KCNIP4: variants seen among roughly 807,000 people sequenced by gnomAD.
The protein encoded by KCNIP4 is potassium voltage-gated channel interacting protein 4.
In KCNIP4, 12 loss-of-function variants were observed where a neutral mutation model predicts 34.0. The observed-to-expected ratio is 0.35, with a 90% CI of 0.23 to 0.57. KCNIP4 has a LOEUF of 0.57. KCNIP4 is among the 20% of genes least tolerant of loss of function. The pLI is 0.83. For synonymous variants in KCNIP4, 124 were observed against 102.2 expected, an observed-to-expected ratio of 1.21 and a Z score of -1.29; for missense variants, 238 against 311.7, an observed-to-expected ratio of 0.76 and a Z score of 1.78.
Position 21,928,851 on chromosome 4 carries a change from C to A in KCNIP4, c.61+19720G>T, listed in dbSNP as rs1729410610. 1.3e-5 allele frequency among the ~76,000 whole-genome samples: 2 copies of A among 151,284 alleles called. 1 individual carries two copies. The highest frequency in any genetic ancestry group is 4.2e-4 in the South Asian group (2 of 4,728). Reference sequence around the variant, plus strand: ...ATGTCCCCAAGAAGAGACTCAATACCCCATATTCCTTCCCGAGATCAACCT... The same window carrying A: ...ATGTCCCCAAGAAGAGACTCAATACACCATATTCCTTCCCGAGATCAACCT... On this transcript the variant is annotated intron_variant, in intron 1 of 8. Coordinates refer to ENST00000382152, the MANE Select transcript of KCNIP4 (RefSeq NM_025221.6).
At chr4:21,061,251 A>G (rs1357045604) in intron 1 of KCNIP4, among the ~76,000 whole-genome samples, 1 of 152,142 alleles carries the variant, frequency 6.6e-6, no homozygotes, top group Non-Finnish European at 1.5e-5. Flanking sequence ...AGCTTTAAAT[A>G]TATACTATAG....
In KCNIP4 at chr4:20,741,523, A is replaced by T. The variant is rs532502793; in HGVS notation, c.430-6788T>A. On this transcript the variant is annotated intron_variant, in intron 5 of 8. Coordinates refer to ENST00000382152, the MANE Select transcript of KCNIP4 (RefSeq NM_025221.6). ...ATAAAGATGTTCTTTGAAACCAATG[A>T]GAACAAAGACACAACGTACCAGAAT... Among the ~76,000 whole-genome samples the T allele has an allele frequency of 2.0e-5, 3 of 152,360 alleles. No individual in the cohort carries two copies. The East Asian group carries it at 5.8e-4, about 29-fold the overall frequency.
intron 1 of KCNIP4, among the ~76,000 whole-genome samples, chr4:21,765,680 G>T (rs1441012462): frequency 6.6e-6 from 1 of 150,682 alleles, no homozygotes; most frequent in African/African-American, 2.4e-5. Context: ...TGCTCAGACT[G>T]GTCTTGACCT....
At chr4:20,973,786 G>T (rs1735212416) in intron 1 of KCNIP4, among the ~76,000 whole-genome samples, 1 of 152,122 alleles carries the variant, frequency 6.6e-6, no homozygotes, top group African/African-American at 2.4e-5. Context: ...GCCCTGTGGA[G>T]AGGGTGAGAG....
At chr4:21,582,811 T>C (rs2109076038) in intron 1 of KCNIP4, among the ~76,000 whole-genome samples, 1 of 152,068 alleles carries the variant, frequency 6.6e-6, no homozygotes, top group South Asian at 2.1e-4. Flanking sequence ...CCTCCTGAGA[T>C]AACTAGGAAG....
chr4:21,294,519 A>G (rs910303909), intron 1 of KCNIP4, among the ~76,000 whole-genome samples: 2 of 152,206 alleles, frequency 1.3e-5, no homozygotes, highest in Admixed American at 6.5e-5. Context: ...TTCACAATAG[A>G]TTTTTAAGTG....
intron 1 of KCNIP4, among the ~76,000 whole-genome samples, chr4:21,566,907 C>T (rs1553904377): frequency 5.3e-5 from 8 of 152,044 alleles, no homozygotes; most frequent in Non-Finnish European, 1.2e-4. Flanking sequence ...AGCCAAACTG[C>T]AAAAGGTAAC....
intron 1 of KCNIP4, among the ~76,000 whole-genome samples, chr4:21,631,660 A>T (rs1745773939): frequency 6.6e-6 from 1 of 152,182 alleles, no homozygotes; most frequent in African/African-American, 2.4e-5. Flanking sequence ...AATCTGGGTC[A>T]GGCCTGCCTT....
intron 1 of KCNIP4, among the ~76,000 whole-genome samples, chr4:21,878,013 T>G (rs1726235518): frequency 1.3e-5 from 2 of 152,178 alleles, no homozygotes; most frequent in Non-Finnish European, 2.9e-5. Context: ...CCATGGAAAC[T>G]TACACTTTTG....
At chr4:21,488,469 G>A (rs1231832352) in intron 1 of KCNIP4, among the ~76,000 whole-genome samples, 1 of 151,664 alleles carries the variant, frequency 6.6e-6, no homozygotes. Context: ...AAATTTTGTA[G>A]GAAAAAGAGG....
chr4:21,806,218 G>T (rs1721283179), intron 1 of KCNIP4, among the ~76,000 whole-genome samples: 2 of 152,140 alleles, frequency 1.3e-5, no homozygotes, highest in African/African-American at 4.8e-5. Flanking sequence ...AAGTTAAGGT[G>T]GGACAATAAA....
At chr4:20,943,507 A>G (rs770809073) in intron 1 of KCNIP4, among the ~76,000 whole-genome samples, 3 of 152,172 alleles carry the variant, frequency 2.0e-5, no homozygotes, top group Non-Finnish European at 4.4e-5. Context: ...TGCTCATTAT[A>G]TTGCTGAATG....
Position 21,449,636 on chromosome 4 carries a change from G to GTATATA in KCNIP4, c.61+498929_61+498934dup, listed in dbSNP as rs200001446. Among the ~76,000 whole-genome samples, 27 of 147,476 alleles carry GTATATA rather than the reference G, an allele frequency of 1.8e-4. 1 individual carries two copies. The highest frequency in any genetic ancestry group is 6.5e-4 in the African/African-American group (26 of 40,240). ...TAAGAATAAGAAAACTTATATATAT[G>GTATATA]TATATATATATATATACTACTTTTT... is the stretch of plus-strand genomic sequence containing the variant. On this transcript the variant is annotated intron_variant, in intron 1 of 8. Transcript: ENST00000382152.
intron 1 of KCNIP4, among the ~76,000 whole-genome samples, chr4:21,670,976 T>A (rs1560612747): frequency 6.9e-6 from 1 of 145,378 alleles, no homozygotes; most frequent in African/African-American, 2.5e-5. Context: ...TTTTTTTTTT[T>A]TAAATTAATA....
intron 1 of KCNIP4, among the ~76,000 whole-genome samples, chr4:21,024,517 C>A (rs1001238510): frequency 6.6e-6 from 1 of 152,118 alleles, no homozygotes; most frequent in Non-Finnish European, 1.5e-5. Flanking sequence ...TTTAGTCTTC[C>A]AGATATTAGA....
chr4:21,761,637 CAA>C (rs34110194), intron 1 of KCNIP4, among the ~76,000 whole-genome samples: 4 of 150,614 alleles, frequency 2.7e-5, no homozygotes, highest in Non-Finnish European at 5.9e-5. Flanking sequence ...TACAAAAAAG[CAA>C]AAAAAAACTC....
At chr4:21,130,169 T>C (rs1291743026) in intron 1 of KCNIP4, among the ~76,000 whole-genome samples, 1 of 152,060 alleles carries the variant, frequency 6.6e-6, no homozygotes, top group Non-Finnish European at 1.5e-5. Flanking sequence ...TGTCTTGCAG[T>C]TTTGTTAGTC....
At chr4:21,876,988 A>C in intron 1 of KCNIP4, among the ~76,000 whole-genome samples, 1 of 152,130 alleles carries the variant, frequency 6.6e-6, no homozygotes, top group East Asian at 1.9e-4. Flanking sequence ...GAGAAAAAAA[A>C]AAAGGATTAA....
At chr4:21,041,176 G>A (rs1235330647) in intron 1 of KCNIP4, among the ~76,000 whole-genome samples, 1 of 151,832 alleles carries the variant, frequency 6.6e-6, no homozygotes, top group African/African-American at 2.4e-5. Context: ...TGACATATAT[G>A]AGCATGTGAC....
Sources: gnomAD v4.1 joint callset for allele counts (sites outside exome capture counted in the v4.1 genomes callset) on GRCh38, gnomAD v4.1.1 for gene constraint, MANE v1.5 for transcripts, NCBI Gene and HGNC (gene_info 2026-07-23, HGNC 2026-07-21) for gene names.